The following BTBD16 variants were observed in gnomAD, a reference collection of about 807,000 sequenced individuals.
BTBD16 encodes BTB domain containing 16.
In BTBD16, 66 loss-of-function variants were observed where a neutral mutation model predicts 67.4. That is an observed-to-expected ratio of 0.98 (90% CI 0.80 to 1.20). The LOEUF (loss-of-function observed/expected upper bound fraction) is 1.20. Ranked by LOEUF, BTBD16 falls within the 50% of genes most tolerant of loss-of-function variation. BTBD16 has a pLI of 0.00. For missense variants in BTBD16, 634 were observed against 616.0 expected (o/e 1.03, Z -0.31); for synonymous variants, 242 against 236.4 (o/e 1.02, Z -0.22).
chr10:122,309,787 T>C (rs1464097035), intron 10 of BTBD16, among the ~76,000 whole-genome samples: 1 of 150,958 alleles, frequency 6.6e-6, no homozygotes, highest in Non-Finnish European at 1.5e-5. Flanking sequence ...TTTTTTTTTT[T>C]TTTGAGGCAG....
chr10:122,304,512 C>T (rs946890589), intron 9 of BTBD16, among the ~76,000 whole-genome samples: 2 of 151,664 alleles, frequency 1.3e-5, no homozygotes. Flanking sequence ...GGGAGATAGC[C>T]ACACTTACAG....
intron 10 of BTBD16, among the ~76,000 whole-genome samples, chr10:122,315,666 T>C (rs2096422743): frequency 1.3e-5 from 2 of 152,212 alleles, no homozygotes; most frequent in Admixed American, 6.5e-5. Flanking sequence ...TAGTTATAGA[T>C]AGAATGTTCT....
Position 122,307,276 on chromosome 10 carries a change from G to C in BTBD16, c.879G>C (p.Pro293=), listed in dbSNP as rs60306660. The part of the protein sequence containing the change: ...LQLNYKIQAI[P]TYETVMTFFK... Reference sequence around the variant, plus strand: ...TGAACTACAAGATTCAGGCAATTCCGACTTATGAAACCGTGATGACATTTT... The same window carrying C: ...TGAACTACAAGATTCAGGCAATTCCCACTTATGAAACCGTGATGACATTTT... The change falls in exon 10 of 16, where the codon CCG becomes CCC. Residue 293 remains proline (P), a synonymous_variant. Coordinates refer to ENST00000260723, the MANE Select transcript of BTBD16 (RefSeq NM_144587.5). 1 of 1,607,178 alleles carries C rather than the reference G, an allele frequency of 6.2e-7. No homozygotes were observed. Among genetic ancestry groups the C allele is most frequent in the Admixed American group, 1.7e-5 (1 of 58,448 alleles).
chr10:122,293,943 C>G (rs1457152007), intron 7 of BTBD16: 10 of 168,814 alleles, frequency 5.9e-5, no homozygotes, highest in African/African-American at 2.2e-4. Context: ...AGAGATGAAC[C>G]AAGAAGGGCA....
intron 4 of BTBD16, among the ~76,000 whole-genome samples, chr10:122,284,391 G>A (rs910878071): frequency 1.3e-5 from 2 of 151,954 alleles, no homozygotes; most frequent in East Asian, 1.9e-4. Context: ...GGAGGTTGCA[G>A]TGAGCCAAGA....
intron 9 of BTBD16, chr10:122,303,694 TC>T (rs1300848642): frequency 3.4e-6 from 3 of 884,818 alleles, no homozygotes; most frequent in East Asian, 2.4e-4. Flanking sequence ...AGCATTTTTT[TC>T]CCCTAAAGAA....
At chr10:122,293,092 T>C (rs993428614) in intron 7 of BTBD16, among the ~76,000 whole-genome samples, 4 of 152,224 alleles carry the variant, frequency 2.6e-5, no homozygotes, top group Non-Finnish European at 5.9e-5. Flanking sequence ...TAGCTTTTTT[T>C]CCCTAATTCC....
chr10:122,285,159 A>G (rs1028631), intron 4 of BTBD16, among the ~76,000 whole-genome samples: 69,606 of 151,770 alleles, frequency 0.46, 17,224 homozygotes, highest in East Asian at 0.89. Flanking sequence ...GGGGCTAGTG[A>G]CCCTTCAGGT....
chr10:122,333,157 A>G (rs1373572759), intron 13 of BTBD16, among the ~76,000 whole-genome samples: 1 of 152,154 alleles, frequency 6.6e-6, no homozygotes. Context: ...TTCAAGAACT[A>G]GGGGTGCTGA....
At chr10:122,336,743 T>C in intron 15 of BTBD16, 61 bp downstream of exon 15, 1 of 1,437,506 alleles carries the variant, frequency 7.0e-7, no homozygotes, top group Non-Finnish European at 9.3e-7. Context: ...CCCCATCCTT[T>C]TGGGGATCAC....
intron 8 of BTBD16, among the ~76,000 whole-genome samples, 153 bp downstream of exon 8, chr10:122,297,990 G>GTGT (rs370396947): frequency 2.7e-5 from 4 of 147,248 alleles, no homozygotes; most frequent in African/African-American, 5.0e-5. Flanking sequence ...ACATTTGTGT[G>GTGT]TTTTTTTTTT....
chr10:122,309,405 C>G (rs367727649), intron 10 of BTBD16, among the ~76,000 whole-genome samples: 2 of 151,218 alleles, frequency 1.3e-5, no homozygotes, highest in Non-Finnish European at 1.5e-5. Flanking sequence ...AGTGCAGTAG[C>G]GCCATCTCAG....
rs200131780 is a variant in BTBD16 at position 122,297,878 on chromosome 10, G to A, written c.660+41G>A. ...ACGGGGCACATCGCCCCTTGGGGGG[G>A]CCTTCAGGAGCAGCCTAGATGCTGG... On this transcript the variant is annotated intron_variant, in intron 8 of 15. Coordinates refer to ENST00000260723, the MANE Select transcript of BTBD16 (RefSeq NM_144587.5). The A allele has an allele frequency of 2.5e-3, 3,902 of 1,589,584 alleles. 8 individuals carry two copies. Among genetic ancestry groups the A allele is most frequent in the Non-Finnish European group, 2.7e-3 (3,135 of 1,159,506 alleles).
chr10:122,286,819 C>T (rs1005959289), intron 5 of BTBD16, among the ~76,000 whole-genome samples: 2 of 152,136 alleles, frequency 1.3e-5, no homozygotes, highest in Admixed American at 1.3e-4. Context: ...TTTTCCAGTC[C>T]TGACCACCCC....
Position 122,286,423 on chromosome 10 carries a change from A to T in BTBD16, c.385+175A>T, listed in dbSNP as rs151254100. ...CAGTTTCCTCAAGTGTAAAATGGGG[A>T]TAATAGTTCTTAGGATGCGGCTTTG... On this transcript the variant is annotated intron_variant, in intron 5 of 15. Transcript: ENST00000260723. The T allele has an allele frequency of 1.3e-4, 77 of 595,342 alleles. No homozygotes were observed. In the East Asian group the frequency reaches 0.01, roughly 80 times the overall value. The allele number at this position is 595,342 out of a possible 1,614,324, so 36.9% of individuals were successfully genotyped here. A position where few individuals can be genotyped will look rare whatever the true frequency, so the allele number is the denominator to read the frequency against.
intron 9 of BTBD16, among the ~76,000 whole-genome samples, chr10:122,301,607 G>A (rs573000664): frequency 6.6e-6 from 1 of 152,308 alleles, no homozygotes; most frequent in African/African-American, 2.4e-5. Context: ...GGTGGGAAAC[G>A]GTTCAGGAAG....
chr10:122,276,975 C>T, intron 3 of BTBD16, 36 bp downstream of exon 3: 2 of 1,600,052 alleles, frequency 1.2e-6, no homozygotes, highest in Non-Finnish European at 1.7e-6. Flanking sequence ...AGGGAATGGC[C>T]CATTATTCCT....
chr10:122,332,812 G>T, intron 13 of BTBD16: 1 of 985,346 alleles, frequency 1.0e-6, no homozygotes, highest in Non-Finnish European at 1.2e-6. Flanking sequence ...ACCAGGAAAG[G>T]CCAAGGCAAA....
intron 10 of BTBD16, among the ~76,000 whole-genome samples, chr10:122,311,661 CA>C (rs2096413926): frequency 6.6e-6 from 1 of 152,150 alleles, no homozygotes; most frequent in South Asian, 2.1e-4. Context: ...AAAATCAAGG[CA>C]TAAAATACAG....
Sources: allele counts gnomAD v4.1 joint callset (sites outside exome capture counted in the v4.1 genomes callset), GRCh38; gene constraint gnomAD v4.1.1; transcripts MANE v1.5; gene names NCBI Gene and HGNC (gene_info 2026-07-23, HGNC 2026-07-21).